STARD13: variants seen among roughly 807,000 people sequenced by gnomAD.
STARD13 encodes stAR-related lipid transfer protein 13.
STARD13 carries 62 observed loss-of-function variants against 106.4 expected under a neutral mutation model. That is an observed-to-expected ratio of 0.58 (90% CI 0.48 to 0.72). STARD13 has a LOEUF of 0.72. Ranked by LOEUF, STARD13 falls within the 30% of genes least tolerant of loss-of-function variation. The probability of loss-of-function intolerance (pLI) is 0.00; values close to 1 mark genes in which losing one functional copy is unlikely to be tolerated. For missense variants in STARD13, 1,387 were observed against 1,424.0 expected, an observed-to-expected ratio of 0.97 and a Z score of 0.42; for synonymous variants, 565 against 553.0, an observed-to-expected ratio of 1.02 and a Z score of -0.31.
chr13:33,452,253 A>G, the STARD13 span, among the ~76,000 whole-genome samples: 1 of 151,494 alleles, frequency 6.6e-6, no homozygotes, highest in African/African-American at 2.4e-5. Context: ...GGCAGCCAAT[A>G]GTTGCGGGGC....
chr13:33,216,186 C>A (rs1309670223), intron 1 of STARD13, among the ~76,000 whole-genome samples: 2 of 152,152 alleles, frequency 1.3e-5, no homozygotes, highest in African/African-American at 4.8e-5. Flanking sequence ...AGTAGAACTG[C>A]CATTTGACCC....
chr13:33,427,239 T>C, the STARD13 span, among the ~76,000 whole-genome samples: 7 of 152,180 alleles, frequency 4.6e-5, no homozygotes, highest in Non-Finnish European at 1.0e-4. Context: ...CAAGGCTAGT[T>C]AAGTGACAGG....
chr13:33,317,336 T>C (rs1893379162), intron 1 of STARD13, among the ~76,000 whole-genome samples: 1 of 152,188 alleles, frequency 6.6e-6, no homozygotes, highest in Non-Finnish European at 1.5e-5. Context: ...TTTCTTAAAC[T>C]AAATCTTTAA....
At chr13:33,255,561 G>GT (rs1191284426) in intron 1 of STARD13, among the ~76,000 whole-genome samples, 1 of 151,948 alleles carries the variant, frequency 6.6e-6, no homozygotes, top group African/African-American at 2.4e-5. Flanking sequence ...TTGATGGTAA[G>GT]TTTTTTCACA....
At chr13:33,379,880 T>C in the STARD13 span, among the ~76,000 whole-genome samples, 1 of 152,202 alleles carries the variant, frequency 6.6e-6, no homozygotes, top group Non-Finnish European at 1.5e-5. Flanking sequence ...TTGAGCATCA[T>C]TTATTGGACA....
chr13:33,591,695 G>A, the STARD13 span, among the ~76,000 whole-genome samples: 9 of 152,148 alleles, frequency 5.9e-5, no homozygotes, highest in Non-Finnish European at 4.4e-5. Flanking sequence ...GCCACACATG[G>A]CTGTGCATTT....
the STARD13 span, among the ~76,000 whole-genome samples, chr13:33,438,654 T>C: frequency 6.6e-6 from 1 of 152,146 alleles, no homozygotes; most frequent in Admixed American, 6.5e-5. Flanking sequence ...AGCCAGTCAT[T>C]TTTGCCTGGA....
At chr13:33,535,016 G>T in the STARD13 span, among the ~76,000 whole-genome samples, 1 of 152,122 alleles carries the variant, frequency 6.6e-6, no homozygotes. Context: ...AGGAGTTCGA[G>T]AACAGCCTGG....
At chr13:33,257,744 T>C (rs1890437567) in intron 1 of STARD13, among the ~76,000 whole-genome samples, 1 of 152,214 alleles carries the variant, frequency 6.6e-6, no homozygotes, top group South Asian at 2.1e-4. Flanking sequence ...AAGAAGAAGG[T>C]TGGTTATTAT....
chr13:33,266,019 A>T (rs1247634124), intron 1 of STARD13, among the ~76,000 whole-genome samples: 1 of 152,224 alleles, frequency 6.6e-6, no homozygotes, highest in Admixed American at 6.5e-5. Flanking sequence ...CTTTATCACC[A>T]TAGTTAAGAT....
intron 1 of STARD13, among the ~76,000 whole-genome samples, chr13:33,250,782 T>A (rs530534932): frequency 1.3e-5 from 2 of 152,368 alleles, no homozygotes; most frequent in South Asian, 4.1e-4. Context: ...GAAGCATCCC[T>A]TCCAGATGTC....
chr13:33,337,965 C>A (rs1265152533), intron 1 of STARD13, among the ~76,000 whole-genome samples: 1 of 152,204 alleles, frequency 6.6e-6, no homozygotes, highest in Non-Finnish European at 1.5e-5. Context: ...GTCACATGAC[C>A]CTGCAGTCAG....
chr13:33,327,375 T>C (rs1367633104), intron 1 of STARD13, among the ~76,000 whole-genome samples: 2 of 152,240 alleles, frequency 1.3e-5, no homozygotes, highest in East Asian at 1.9e-4. Context: ...TATTTACTTT[T>C]TTTTAAAATT....
chr13:33,669,438 C>A, the STARD13 span, among the ~76,000 whole-genome samples: 2,013 of 152,036 alleles, frequency 0.013, 40 homozygotes, highest in African/African-American at 0.045. Context: ...GGCACACCAT[C>A]GCCAGTGGTC....
At chr13:33,124,642 A>C (rs1304407987) in intron 7 of STARD13, among the ~76,000 whole-genome samples, 2 of 152,222 alleles carry the variant, frequency 1.3e-5, no homozygotes, top group Non-Finnish European at 2.9e-5. Flanking sequence ...TTCAGAAGCT[A>C]CGGGGGGCAG....
In STARD13 at chr13:33,285,522, G is replaced by C. The variant is rs1208257352; in HGVS notation, c.117C>G (p.Tyr39Ter). The C allele has an allele frequency of 6.2e-7, 1 of 1,613,956 alleles. No homozygotes were observed. Among genetic ancestry groups the C allele is most frequent in the East Asian group, 2.2e-5 (1 of 44,890 alleles). The change falls in exon 1 of 14, where the codon TAC becomes TAG. Residue 39 changes from tyrosine (Y) to a stop codon, truncating the protein, a stop_gained. Transcript: ENST00000336934. LOFTEE classifies it high-confidence loss of function. ...GGCGTGCTAGAATCCGGCTCATCCT[G>C]TAAGGAGAGCGTCTTGTAGTCTGAT... ...RFDQTTRRSPYRMSRILARHQ... is the reference protein window; with the variant it reads ...RFDQTTRRSP
At chr13:33,372,611 C>A in the STARD13 span, among the ~76,000 whole-genome samples, 104 of 151,834 alleles carry the variant, frequency 6.8e-4, no homozygotes, top group African/African-American at 2.1e-3. Context: ...TATGAACCAA[C>A]CGAATTCCCA....
rs190313118 is a variant in STARD13, at chr13:33,162,416, G to A, written c.323+2921C>T. ...TACCATTTGGCTCCTTGACACTTAT[G>A]CAAATTTCTTCAGCCAGCTTGAATT... On this transcript the variant is annotated intron_variant, in intron 3 of 13. Coordinates refer to ENST00000336934, the MANE Select transcript of STARD13 (RefSeq NM_178006.4). Among the ~76,000 whole-genome samples, 186 of 152,318 alleles carry A rather than the reference G, an allele frequency of 1.2e-3. 1 individual carries two copies. The highest frequency in any genetic ancestry group is 0.01 in the Middle Eastern group (3 of 294).
chr13:33,519,441 C>T, the STARD13 span, among the ~76,000 whole-genome samples: 2 of 151,470 alleles, frequency 1.3e-5, no homozygotes, highest in Non-Finnish European at 2.9e-5. Context: ...CCACCCACCT[C>T]GGCCTCCCAA....
Sources: allele counts gnomAD v4.1 joint callset (sites outside exome capture counted in the v4.1 genomes callset), GRCh38; gene constraint gnomAD v4.1.1; transcripts MANE v1.5; gene names NCBI Gene and HGNC (gene_info 2026-07-23, HGNC 2026-07-21).